SPAG17: variants seen among roughly 807,000 people sequenced by gnomAD.
SPAG17 encodes the protein sperm associated antigen 17.
Under a neutral mutation model 273.6 loss-of-function variants are expected in SPAG17, and 169 were observed. The observed-to-expected ratio is 0.62, with a 90% CI of 0.55 to 0.70. The LOEUF (loss-of-function observed/expected upper bound fraction) is 0.70. Among genes scored for constraint, SPAG17 ranks in the 30% least tolerant of loss-of-function variants. The pLI is 0.00. For synonymous variants in SPAG17, 825 were observed against 873.2 expected (o/e 0.94, Z 0.97); for missense variants, 2,557 against 2,627.8 (o/e 0.97, Z 0.59).
intron 18 of SPAG17, among the ~76,000 whole-genome samples, chr1:118,064,507 G>A (rs1332891821): frequency 6.8e-6 from 1 of 147,692 alleles, no homozygotes; most frequent in Non-Finnish European, 1.5e-5. Context: ...AACACCGCAT[G>A]TTCTCACTCA....
rs1384827515 is a variant in SPAG17, at chr1:117,966,687, C to G, written c.6454G>C (p.Ala2152Pro). ...LFATAVGEDG[A>P]KGSAHISHNI... is the part of the protein sequence containing the mutation. ...TGAGAGATGTGTGCTGATCCCTTGG[C>G]CCCATCCTCTCCAACAGCTGTGGCA... The change falls in exon 47 of 49, where the codon GCC (alanine) becomes CCC (proline). Residue 2152 changes from alanine (A) to proline (P), a missense_variant. Transcript: ENST00000336338. 1 of 1,614,020 alleles carries G rather than the reference C, an allele frequency of 6.2e-7. No individual in the cohort carries two copies. Among genetic ancestry groups the G allele is most frequent in the South Asian group, 1.1e-5 (1 of 91,076 alleles).
At position 117,996,628 on chromosome 1, in the gene SPAG17, T is replaced by C. The variant is rs1657693792; in HGVS notation, c.4892A>G (p.His1631Arg). 1.2e-6 allele frequency: 2 copies of C among 1,611,730 alleles called. No individual in the cohort carries two copies. The highest frequency in any genetic ancestry group is 3.4e-5 in the Admixed American group (2 of 59,602). Residue 1631 changes from histidine (H) to arginine (R), a missense_variant, in exon 33 of 49, where the codon CAT (histidine) becomes CGT (arginine). Coordinates refer to ENST00000336338, the MANE Select transcript of SPAG17 (RefSeq NM_206996.4). ...SLSSMHLEKNHQQIYGEHVPR... is the reference protein window; with the variant it reads ...SLSSMHLEKNRQQIYGEHVPR... Reference sequence around the variant, plus strand: ...GACATGTTCACCATAGATTTGCTGATGATTCTTTTCAAGGTGCATAGAGGA... The same window carrying C: ...GACATGTTCACCATAGATTTGCTGACGATTCTTTTCAAGGTGCATAGAGGA...
At chr1:118,065,283 G>A (rs1015887112) in intron 18 of SPAG17, among the ~76,000 whole-genome samples, 1 of 151,976 alleles carries the variant, frequency 6.6e-6, no homozygotes, top group African/African-American at 2.4e-5. Flanking sequence ...AACATGAAGA[G>A]TCTAATAACC....
intron 3 of SPAG17, among the ~76,000 whole-genome samples, chr1:118,137,089 C>T (rs545256753): frequency 1.3e-5 from 2 of 152,174 alleles, no homozygotes; most frequent in South Asian, 2.1e-4. Flanking sequence ...TTTTTTCCCT[C>T]AATGATATTC....
At position 118,093,199 on chromosome 1, in the gene SPAG17, A is replaced by G; in HGVS notation, c.1130T>C (p.Val377Ala). ...ESMQLINVPQVVNEKPVLEAM... is the reference protein window; with the variant it reads ...ESMQLINVPQAVNEKPVLEAM... ...TTCTAATACAGGTTTCTCATTAACC[A>G]CTTGTGGAACATTAATAAGCTGCAT... The change falls in exon 8 of 49, where the codon GTG becomes GCG. Residue 377 changes from valine (V) to alanine (A), a missense_variant. Transcript: ENST00000336338. 6.2e-7 allele frequency: 1 copy of G among 1,613,720 alleles called. No individual in the cohort carries two copies. The highest frequency in any genetic ancestry group is 1.3e-5 in the African/African-American group (1 of 75,032).
intron 40 of SPAG17, among the ~76,000 whole-genome samples, chr1:117,987,237 G>A (rs1656521983): frequency 1.3e-5 from 2 of 152,082 alleles, no homozygotes. Context: ...TAGGGGAGGT[G>A]ACCCATGAGG....
intron 3 of SPAG17, among the ~76,000 whole-genome samples, chr1:118,130,669 A>C (rs2102296433): frequency 6.6e-6 from 1 of 152,248 alleles, no homozygotes; most frequent in South Asian, 2.1e-4. Flanking sequence ...TGTTCACCCC[A>C]GTTTCTGAGC....
Position 117,983,840 on chromosome 1 carries a change from G to C in SPAG17, c.5843C>G (p.Ala1948Gly). The change falls in exon 42 of 49, where the codon GCT becomes GGT. Residue 1948 changes from alanine (A) to glycine (G), a missense_variant. Transcript: ENST00000336338. ...TKKNEDANETAVQDTSDLNLD... is the reference protein window; with the variant it reads ...TKKNEDANETGVQDTSDLNLD... ...ATTAAGATCAGATGTATCTTGAACA[G>C]CTGTTTCGTTTGCATCTTCATTTTT... The C allele has an allele frequency of 6.2e-7, 1 of 1,612,350 alleles. No individual in the cohort carries two copies.
At chr1:118,147,439 C>T (rs765060303) in intron 3 of SPAG17, among the ~76,000 whole-genome samples, 1 of 152,148 alleles carries the variant, frequency 6.6e-6, no homozygotes. Flanking sequence ...GATGATAAAG[C>T]AGTAGCCAAC....
chr1:117,997,836 C>T (rs976775748), intron 32 of SPAG17, among the ~76,000 whole-genome samples: 4 of 152,022 alleles, frequency 2.6e-5, no homozygotes, highest in African/African-American at 9.7e-5. Flanking sequence ...TCTTCTTTTG[C>T]TTTTTCAAAA....
At chr1:118,068,144 T>C (rs1460906530) in intron 17 of SPAG17, among the ~76,000 whole-genome samples, 1 of 150,094 alleles carries the variant, frequency 6.7e-6, no homozygotes, top group Admixed American at 6.7e-5. Flanking sequence ...TGGAGTGATA[T>C]ATATATAATA....
chr1:117,986,754 T>C (rs1656459169), intron 40 of SPAG17, among the ~76,000 whole-genome samples: 2 of 152,140 alleles, frequency 1.3e-5, no homozygotes, highest in Non-Finnish European at 2.9e-5. Context: ...AACACTACCT[T>C]AAAATATGGC....
intron 30 of SPAG17, among the ~76,000 whole-genome samples, chr1:118,011,889 G>A (rs1324927485): frequency 6.6e-6 from 1 of 151,628 alleles, no homozygotes; most frequent in Non-Finnish European, 1.5e-5. Flanking sequence ...AGTATCTGAG[G>A]GTAATGCATA....
chr1:117,965,155 G>A (rs917442306), intron 47 of SPAG17: 1 of 151,954 alleles, frequency 6.6e-6, no homozygotes, highest in Non-Finnish European at 1.5e-5. Flanking sequence ...TTTACCTTTT[G>A]CAATTTAGTT....
chr1:118,012,865 AGAGG>A (rs1387400752), intron 29 of SPAG17, among the ~76,000 whole-genome samples: 1 of 152,230 alleles, frequency 6.6e-6, no homozygotes, highest in African/African-American at 2.4e-5. Flanking sequence ...GGTAGGGGAC[AGAGG>A]CTGTAGCCTC....
At chr1:118,153,985 A>G (rs1659521985) in intron 1 of SPAG17, among the ~76,000 whole-genome samples, 1 of 152,262 alleles carries the variant, frequency 6.6e-6, no homozygotes, top group South Asian at 2.1e-4. Flanking sequence ...CTTTCTCTCA[A>G]GCGCAAAGCT....
intron 48 of SPAG17, among the ~76,000 whole-genome samples, chr1:117,955,565 T>A (rs1343352736): frequency 2.0e-5 from 3 of 152,132 alleles, no homozygotes; most frequent in African/African-American, 7.2e-5. Flanking sequence ...AGAGATGCTT[T>A]TAAGGACAAA....
intron 27 of SPAG17, among the ~76,000 whole-genome samples, chr1:118,024,636 G>A (rs991252148): frequency 2.0e-5 from 3 of 151,528 alleles, no homozygotes; most frequent in African/African-American, 7.3e-5. Flanking sequence ...TGATCACTGG[G>A]GAAGGAAAGA....
At chr1:118,072,562 G>A (rs917848932) in intron 17 of SPAG17, among the ~76,000 whole-genome samples, 3 of 152,016 alleles carry the variant, frequency 2.0e-5, no homozygotes, top group African/African-American at 4.8e-5. Flanking sequence ...GAGAATTTGG[G>A]GATAAGTTAA....
Sources: allele counts gnomAD v4.1 joint callset (sites outside exome capture counted in the v4.1 genomes callset), GRCh38; gene constraint gnomAD v4.1.1; transcripts MANE v1.5; gene names NCBI Gene and HGNC (gene_info 2026-07-23, HGNC 2026-07-21).